Variants in PCDHGA6 observed in about 807,000 individuals in gnomAD.
PCDHGA6 encodes protocadherin gamma subfamily A, 6, also known as protocadherin gamma-A6.
Under a neutral mutation model 60.6 loss-of-function variants are expected in PCDHGA6, and 41 were observed. That is an observed-to-expected ratio of 0.68 (90% CI 0.53 to 0.88). The LOEUF (loss-of-function observed/expected upper bound fraction) is 0.88, where lower values mean the gene tolerates loss of function less well. Ranked by LOEUF, PCDHGA6 falls within the 40% of genes least tolerant of loss-of-function variation. The probability of loss-of-function intolerance (pLI) is 0.00; values close to 1 mark genes in which losing one functional copy is unlikely to be tolerated. For missense variants in PCDHGA6, 1,312 were observed against 1,203.0 expected, an observed-to-expected ratio of 1.09 and a Z score of -1.34; for synonymous variants, 594 against 524.4, an observed-to-expected ratio of 1.13 and a Z score of -1.81.
At chr5:141,381,022 G>T (rs1326220507) in intron 1 of PCDHGA6, among the ~76,000 whole-genome samples, 2 of 152,148 alleles carry the variant, frequency 1.3e-5, no homozygotes, top group African/African-American at 4.8e-5. Flanking sequence ...ACCTCTATTA[G>T]TTCCTTTAAA....
chr5:141,383,553 C>T (rs765903383), intron 1 of PCDHGA6: 3 of 1,612,130 alleles, frequency 1.9e-6, no homozygotes, highest in South Asian at 2.2e-5. Flanking sequence ...CTGATGGCGG[C>T]GACCCGCCCC....
rs375127524 is a variant in PCDHGA6 at position 141,490,702 on chromosome 5, C to T, written c.2425-4105C>T. ...AGATCCAGACACTGGGGATAATGCC[C>T]GCCTCACCTACTCCATTGTAGGAAA... On this transcript the variant is annotated intron_variant, in intron 1 of 3. Coordinates refer to ENST00000517434, the MANE Select transcript of PCDHGA6 (RefSeq NM_018919.3). The surrounding 1 kb of genome is among the most constrained non-coding windows in gnomAD (Gnocchi z 5.4). 36 of 1,614,060 alleles carry T rather than the reference C, an allele frequency of 2.2e-5. No homozygotes were observed. Among genetic ancestry groups the T allele is most frequent in the South Asian group, 7.7e-5 (7 of 91,090 alleles).
chr5:141,409,820 C>T (rs1276944982), intron 1 of PCDHGA6: 4 of 1,610,926 alleles, frequency 2.5e-6, no homozygotes, highest in Non-Finnish European at 3.4e-6. Flanking sequence ...CCACGGCTCG[C>T]CCACGCTCAG....
At chr5:141,462,896 A>G (rs1280422442) in intron 1 of PCDHGA6, among the ~76,000 whole-genome samples, 1 of 152,142 alleles carries the variant, frequency 6.6e-6, no homozygotes, top group African/African-American at 2.4e-5. Context: ...TTGTTTTGGA[A>G]GGCTATTATG....
chr5:141,423,554 A>G (rs1383467583), intron 1 of PCDHGA6: 8 of 1,613,590 alleles, frequency 5.0e-6, no homozygotes, highest in East Asian at 4.5e-5. Flanking sequence ...CAGCCCAACT[A>G]TGGGGACACG....
chr5:141,463,990 G>C (rs2099073582), intron 1 of PCDHGA6, among the ~76,000 whole-genome samples: 1 of 151,990 alleles, frequency 6.6e-6, no homozygotes, highest in Admixed American at 6.6e-5. Context: ...TAAAAACCAG[G>C]TGCAGTGGCT....
chr5:141,404,908 C>T, intron 1 of PCDHGA6: 1 of 1,613,882 alleles, frequency 6.2e-7, no homozygotes, highest in Non-Finnish European at 8.5e-7. Context: ...ATGGCCAGCC[C>T]CCTCTCTCGG....
chr5:141,487,404 C>A lies in PCDHGA6; in HGVS notation c.2425-7403C>A, dbSNP rs771371344. 1.2e-6 allele frequency: 2 copies of A among 1,614,178 alleles called. No homozygotes were observed. Among genetic ancestry groups the A allele is most frequent in the Non-Finnish European group, 1.7e-6 (2 of 1,180,032 alleles). ...AGATCTCGAAGGAGGGAGGGGCTTC[C>A]CCCTTCCAATGGGATCCTCCGAATC... is the stretch of plus-strand genomic sequence containing the variant. On this transcript the variant is annotated intron_variant, in intron 1 of 3. Coordinates refer to ENST00000517434, the MANE Select transcript of PCDHGA6 (RefSeq NM_018919.3). The surrounding 1 kb of genome is among the most constrained non-coding windows in gnomAD (Gnocchi z 5.0).
At chr5:141,379,744 G>A (rs1333166422) in intron 1 of PCDHGA6, 1 of 152,052 alleles carries the variant, frequency 6.6e-6, no homozygotes, top group African/African-American at 2.4e-5. Flanking sequence ...GCTAAATGAG[G>A]TTCTTTAATC....
chr5:141,389,605 A>G (rs1370742468), intron 1 of PCDHGA6: 2 of 1,613,092 alleles, frequency 1.2e-6, no homozygotes, highest in Non-Finnish European at 1.7e-6. Flanking sequence ...GCGCTCTTCG[A>G]TATGGTGCCG....
At chr5:141,507,797 C>A (rs933921827) in intron 3 of PCDHGA6, among the ~76,000 whole-genome samples, 1 of 152,240 alleles carries the variant, frequency 6.6e-6, no homozygotes, top group Admixed American at 6.5e-5. Context: ...TCTAAGCCTG[C>A]GCCCTGGGGA....
intron 1 of PCDHGA6, chr5:141,393,333 C>G: frequency 6.3e-7 from 1 of 1,582,250 alleles, no homozygotes; most frequent in Non-Finnish European, 8.6e-7. Context: ...CCAGCTCAGC[C>G]CCAATCACCA....
chr5:141,399,562 T>G (rs764432886), intron 1 of PCDHGA6: 1 of 1,613,898 alleles, frequency 6.2e-7, no homozygotes, highest in East Asian at 2.2e-5. Flanking sequence ...GGACTTGGGG[T>G]TGAACGGCCA....
chr5:141,497,497 C>T (rs1318882060), intron 2 of PCDHGA6, among the ~76,000 whole-genome samples: 1 of 151,714 alleles, frequency 6.6e-6, no homozygotes, highest in Non-Finnish European at 1.5e-5. Context: ...TCTCTCTCTC[C>T]TCTCTCTGCT....
At chr5:141,452,554 G>A (rs2098744143) in intron 1 of PCDHGA6, among the ~76,000 whole-genome samples, 1 of 152,140 alleles carries the variant, frequency 6.6e-6, no homozygotes, top group Admixed American at 6.5e-5. Context: ...TCCAGTTCTG[G>A]TTCTTCCTAG....
At chr5:141,433,406 T>C (rs2097604777) in intron 1 of PCDHGA6, among the ~76,000 whole-genome samples, 1 of 149,982 alleles carries the variant, frequency 6.7e-6, no homozygotes, top group Non-Finnish European at 1.5e-5. Flanking sequence ...TATCTATCTA[T>C]TACTTTCTTG....
intron 1 of PCDHGA6, chr5:141,383,858 A>T: frequency 6.2e-7 from 1 of 1,613,996 alleles, no homozygotes. Flanking sequence ...ATGGAGGTTC[A>T]GGCTCAAGAT....
At chr5:141,500,369 C>T (rs1034629981) in intron 2 of PCDHGA6, among the ~76,000 whole-genome samples, 4 of 151,866 alleles carry the variant, frequency 2.6e-5, no homozygotes, top group Admixed American at 6.6e-5. Flanking sequence ...CTACCACGCC[C>T]GGCTAATTAT....
Position 141,432,289 on chromosome 5 carries a change from C to T in PCDHGA6, c.2424+55782C>T, listed in dbSNP as rs762278053. ...CGTCCTACGTGTCCATCAACTCCGACACTGGGGTACTGTATGCGCTGAGCT... is the reference window on the plus strand; with the variant it reads ...CGTCCTACGTGTCCATCAACTCCGATACTGGGGTACTGTATGCGCTGAGCT... On this transcript the variant is annotated intron_variant, in intron 1 of 3. Coordinates refer to ENST00000517434, the MANE Select transcript of PCDHGA6 (RefSeq NM_018919.3). The surrounding 1 kb of genome is among the most constrained non-coding windows in gnomAD (Gnocchi z 6.0). The T allele has an allele frequency of 6.2e-7, 1 of 1,614,266 alleles. No homozygotes were observed. Among genetic ancestry groups the T allele is most frequent in the Admixed American group, 1.7e-5 (1 of 60,038 alleles).
Sources: allele counts gnomAD v4.1 joint callset (sites outside exome capture counted in the v4.1 genomes callset), GRCh38; gene constraint gnomAD v4.1.1; non-coding constraint Gnocchi (gnomAD v3.1); transcripts MANE v1.5; gene names NCBI Gene and HGNC (gene_info 2026-07-23, HGNC 2026-07-21).